The following KLHL22 variants were observed in gnomAD, a reference collection of about 807,000 sequenced individuals.
KLHL22 encodes kelch like family member 22.
In KLHL22, 18 loss-of-function variants were observed where a neutral mutation model predicts 60.7. The ratio of observed to expected loss-of-function variants is 0.30; its 90% CI spans 0.20 to 0.44. The LOEUF (loss-of-function observed/expected upper bound fraction) is 0.44, where lower values mean the gene tolerates loss of function less well. Ranked by LOEUF, KLHL22 falls within the 20% of genes least tolerant of loss-of-function variation. KLHL22 has a pLI of 1.00. For synonymous variants in KLHL22, 355 were observed against 354.5 expected (o/e 1.00, Z -0.01); for missense variants, 596 against 852.3 (o/e 0.70, Z 3.74).
intron 5 of KLHL22, among the ~76,000 whole-genome samples, chr22:20,449,431 C>A (rs2052938025): frequency 7.0e-6 from 1 of 143,562 alleles, no homozygotes; most frequent in African/African-American, 2.6e-5. Context: ...GATGGAGTCT[C>A]ACTCTGTCGC....
chr22:20,475,640 C>G (rs1165601242), intron 2 of KLHL22, among the ~76,000 whole-genome samples: 1 of 151,980 alleles, frequency 6.6e-6, no homozygotes, highest in African/African-American at 2.4e-5. Context: ...CGGCTCACCA[C>G]AACCTCCACT....
rs2053221564 is a variant in KLHL22 at position 20,465,568 on chromosome 22, T to C, written c.402A>G (p.Glu134=). Residue 134 remains glutamate, a synonymous_variant, in exon 4 of 7, where the codon GAA becomes GAG. Transcript: ENST00000328879. This position sits in a 1 kb window ranked among gnomAD's most constrained non-coding sequence, Gnocchi z 4.9. The stretch of plus-strand genomic sequence containing the variant: ...GGAAATCACAGCAGAAATGGATAAT[T>C]TCTGGGATCTGCAGAGAGAATGACA... ...LVAACQLQIP[E]IIHFCCDFLM... is the part of the protein sequence containing the mutation. 6.7e-7 allele frequency: 1 copy of C among 1,488,150 alleles called. No individual in the cohort carries two copies. The highest frequency in any genetic ancestry group is 2.3e-5 in the East Asian group (1 of 44,286). The allele number at this position is 1,488,150 out of a possible 1,614,324, so 92.2% of individuals were successfully genotyped here. A position where few individuals can be genotyped will look rare whatever the true frequency, so the allele number is the denominator to read the frequency against.
At chr22:20,462,099 C>CAAAACAAA (rs557382530) in intron 4 of KLHL22, among the ~76,000 whole-genome samples, 1 of 149,662 alleles carries the variant, frequency 6.7e-6, no homozygotes, top group Non-Finnish European at 1.5e-5. Flanking sequence ...GACTCCATCT[C>CAAAACAAA]AAAACAAAAA....
intron 5 of KLHL22, among the ~76,000 whole-genome samples, chr22:20,448,071 C>T (rs2052906368): frequency 6.6e-6 from 1 of 152,148 alleles, no homozygotes; most frequent in Non-Finnish European, 1.5e-5. Context: ...ACCTCCCTTA[C>T]CCTAATCCCT....
intron 1 of KLHL22, among the ~76,000 whole-genome samples, chr22:20,490,241 A>C (rs2053662202): frequency 6.6e-6 from 1 of 152,206 alleles, no homozygotes; most frequent in Non-Finnish European, 1.5e-5. Context: ...AATTACCTCC[A>C]GTCATGCATC....
At chr22:20,456,745 G>A (rs901427687) in intron 5 of KLHL22, among the ~76,000 whole-genome samples, 5 of 152,254 alleles carry the variant, frequency 3.3e-5, no homozygotes, top group South Asian at 2.1e-4. Context: ...TGTGTGGGCT[G>A]TGTGAATGAC....
rs116206288 is a variant in KLHL22, at chr22:20,457,695, T to C, written c.1305+113A>G. ...CTGGAGAAGCATGGATTCTGCTCAC[T>C]GAGCCTGTTTCTCTGACCTGGGACA... On this transcript the variant is annotated intron_variant, in intron 5 of 6. Transcript: ENST00000328879. The C allele has an allele frequency of 1.4e-3, 1,106 of 773,314 alleles. 5 individuals are homozygous for C. In the African/African-American group the frequency reaches 0.017, roughly 12 times the overall value. The allele number at this position is 773,314 out of a possible 1,614,324, so 47.9% of individuals were successfully genotyped here.
intron 2 of KLHL22, among the ~76,000 whole-genome samples, chr22:20,484,574 C>T (rs1467634226): frequency 3.9e-5 from 6 of 152,086 alleles, no homozygotes; most frequent in Admixed American, 3.3e-4. Context: ...GGATTACATG[C>T]ATGAGCCACT....
intron 6 of KLHL22, among the ~76,000 whole-genome samples, chr22:20,444,948 A>AC (rs1375517182): frequency 6.6e-6 from 1 of 150,864 alleles, no homozygotes; most frequent in Non-Finnish European, 1.5e-5. Context: ...TGCCTGGCTA[A>AC]TTTTTTTTTG....
intron 3 of KLHL22, among the ~76,000 whole-genome samples, chr22:20,470,376 G>A (rs755891323): frequency 1.1e-4 from 17 of 150,172 alleles, no homozygotes; most frequent in South Asian, 2.1e-4. Flanking sequence ...TAGGCCAGGC[G>A]CAGTGGCTCA....
chr22:20,457,287 T>C (rs1167664798), intron 5 of KLHL22, among the ~76,000 whole-genome samples: 1 of 152,104 alleles, frequency 6.6e-6, no homozygotes. Context: ...TTTTTCAAGT[T>C]GTCCCAATAT....
intron 2 of KLHL22, among the ~76,000 whole-genome samples, chr22:20,476,998 G>A (rs979653517): frequency 1.3e-5 from 2 of 150,464 alleles, no homozygotes; most frequent in East Asian, 2.0e-4. Flanking sequence ...GAGCCACCAC[G>A]TCTGGCCGGA....
chr22:20,465,256 T>A lies in KLHL22; in HGVS notation c.714A>T (p.Pro238=). Residue 238 remains proline, a synonymous_variant, in exon 4 of 7, where the codon CCA becomes CCT. Transcript: ENST00000328879. The surrounding 1 kb of genome is among the most constrained non-coding windows in gnomAD (Gnocchi z 4.9). ...QADQISLHEP[P]KLLETVRFPL... Reference sequence around the variant, plus strand: ...GAAACCGCACTGTCTCAAGGAGCTTTGGGGGCTCGTGCAGCGAGATCTGGT... The same window carrying A: ...GAAACCGCACTGTCTCAAGGAGCTTAGGGGGCTCGTGCAGCGAGATCTGGT... The A allele has an allele frequency of 6.2e-7, 1 of 1,613,922 alleles. No individual in the cohort carries two copies. The highest frequency in any genetic ancestry group is 8.5e-7 in the Non-Finnish European group (1 of 1,179,988).
chr22:20,446,665 G>C lies in KLHL22; in HGVS notation c.1317C>G (p.His439Gln), dbSNP rs749338535. The C allele has an allele frequency of 6.2e-7, 1 of 1,609,878 alleles. No homozygotes were observed. Among genetic ancestry groups the C allele is most frequent in the Non-Finnish European group, 8.5e-7 (1 of 1,179,902 alleles). Residue 439 changes from histidine to glutamine, a missense_variant, in exon 6 of 7, where the codon CAC becomes CAG. Physicochemically the swap from His to Gln is conservative, Grantham distance 24 (BLOSUM62 0). Coordinates refer to ENST00000328879, the MANE Select transcript of KLHL22 (RefSeq NM_032775.4). Reference sequence around the variant, plus strand: ...TCTTCCCCTCCAGCGTCGCGCCTGCGTGGGCATACACCTGTGTGGAGCCAC... The same window carrying C: ...TCTTCCCCTCCAGCGTCGCGCCTGCCTGGGCATACACCTGTGTGGAGCCAC... ...VAPLKREVYAHAGATLEGKMY... is the reference protein window; with the variant it reads ...VAPLKREVYAQAGATLEGKMY...
chr22:20,456,909 G>A (rs2146196506), intron 5 of KLHL22, among the ~76,000 whole-genome samples: 1 of 152,350 alleles, frequency 6.6e-6, no homozygotes, highest in South Asian at 2.1e-4. Flanking sequence ...GGCAGTGCAG[G>A]TAGAACCTGC....
chr22:20,468,102 C>T (rs571760614), intron 3 of KLHL22, among the ~76,000 whole-genome samples: 18 of 150,764 alleles, frequency 1.2e-4, no homozygotes, highest in Non-Finnish European at 1.6e-4. Context: ...ATGAGGTATC[C>T]CCATGGTGCT....
At chr22:20,449,040 TTTTTGTTTTGTTTTG>T (rs146343607) in intron 5 of KLHL22, among the ~76,000 whole-genome samples, 2 of 151,502 alleles carry the variant, frequency 1.3e-5, no homozygotes, top group African/African-American at 4.8e-5. Flanking sequence ...TGCCTTCTGT[TTTTTGTTTTGTTTTG>T]TTTTGTTTTG....
chr22:20,491,201 CATCACT>C (rs2053683401), intron 1 of KLHL22: 1 of 152,292 alleles, frequency 6.6e-6, no homozygotes, highest in Non-Finnish European at 1.5e-5. Flanking sequence ...TCTCCAGGAA[CATCACT>C]CTTTAGGAGC....
intron 2 of KLHL22, chr22:20,483,187 C>T (rs769168725): frequency 2.2e-5 from 14 of 640,538 alleles, no homozygotes; most frequent in Admixed American, 1.1e-4. Flanking sequence ...CCAGGTTGAT[C>T]TCCAAGGACT....
Sources: allele counts gnomAD v4.1 joint callset (sites outside exome capture counted in the v4.1 genomes callset), GRCh38; gene constraint gnomAD v4.1.1; non-coding constraint Gnocchi (gnomAD v3.1); transcripts MANE v1.5; gene names NCBI Gene and HGNC (gene_info 2026-07-23, HGNC 2026-07-21).